Variants in SUPT3H observed in about 807,000 individuals in gnomAD.
SUPT3H encodes the protein transcription initiation protein SPT3 homolog.
Under a neutral mutation model 44.3 loss-of-function variants are expected in SUPT3H, and 44 were observed. The ratio of observed to expected loss-of-function variants is 0.99; its 90% CI spans 0.78 to 1.28. The LOEUF (loss-of-function observed/expected upper bound fraction) is 1.28. Among genes scored for constraint, SUPT3H ranks in the 50% most tolerant of loss-of-function variants. SUPT3H has a pLI of 0.00. For synonymous variants in SUPT3H, 124 were observed against 125.6 expected (o/e 0.99, Z 0.09); for missense variants, 380 against 387.1 (o/e 0.98, Z 0.15).
chr6:45,342,621 T>C (rs553093783), intron 2 of SUPT3H, among the ~76,000 whole-genome samples: 4 of 152,112 alleles, frequency 2.6e-5, no homozygotes, highest in Non-Finnish European at 5.9e-5. Context: ...CTCAAAACAG[T>C]CATAATATAA....
At chr6:45,028,813 C>A (rs1261158955) in intron 3 of SUPT3H, among the ~76,000 whole-genome samples, 1 of 145,972 alleles carries the variant, frequency 6.9e-6, no homozygotes, top group Admixed American at 7.1e-5. Flanking sequence ...TAAATCAAGC[C>A]TTACATTGCA....
chr6:45,175,734 G>C (rs1811668406), intron 2 of SUPT3H, among the ~76,000 whole-genome samples: 1 of 152,026 alleles, frequency 6.6e-6, no homozygotes, highest in African/African-American at 2.4e-5. Context: ...GTAATTTTTA[G>C]GCTACGTATT....
At chr6:45,233,030 G>A (rs746017652) in intron 2 of SUPT3H, among the ~76,000 whole-genome samples, 1 of 152,100 alleles carries the variant, frequency 6.6e-6, no homozygotes, top group Admixed American at 6.6e-5. Context: ...GTGCTAGGCC[G>A]AGCACACAGT....
chr6:45,322,938 A>T (rs1240433547), intron 2 of SUPT3H: 1 of 1,612,108 alleles, frequency 6.2e-7, no homozygotes, highest in East Asian at 2.2e-5. Context: ...GAAAAGCCAC[A>T]GTGCTACAGC....
intron 2 of SUPT3H, among the ~76,000 whole-genome samples, chr6:45,333,753 T>C (rs1462309640): frequency 2.6e-5 from 4 of 151,374 alleles, no homozygotes. Context: ...AAGTACTTAA[T>C]ACATGAAGAG....
At chr6:45,043,142 TACACACACACACAC>T (rs59321114) in intron 3 of SUPT3H, among the ~76,000 whole-genome samples, 1 of 146,768 alleles carries the variant, frequency 6.8e-6, no homozygotes, top group East Asian at 2.0e-4. Flanking sequence ...CATACACACA[TACACACACACACAC>T]ACACACACAC....
intron 3 of SUPT3H, among the ~76,000 whole-genome samples, chr6:45,053,361 G>A (rs1352352282): frequency 6.6e-6 from 1 of 152,008 alleles, no homozygotes; most frequent in Non-Finnish European, 1.5e-5. Context: ...GGAATACCAA[G>A]TGTGGCTAAC....
At chr6:44,925,533 C>T (rs1037877142) in intron 10 of SUPT3H, among the ~76,000 whole-genome samples, 5 of 152,144 alleles carry the variant, frequency 3.3e-5, no homozygotes, top group Non-Finnish European at 7.4e-5. Flanking sequence ...TCATCACACT[C>T]GGCAAACACA....
At chr6:45,034,105 T>C (rs1256497676) in intron 3 of SUPT3H, among the ~76,000 whole-genome samples, 4 of 152,118 alleles carry the variant, frequency 2.6e-5, no homozygotes, top group Non-Finnish European at 5.9e-5. Context: ...GGGAAGGCTT[T>C]AGGGAAATGA....
At chr6:45,312,221 A>C (rs958534620) in intron 2 of SUPT3H, among the ~76,000 whole-genome samples, 11 of 152,150 alleles carry the variant, frequency 7.2e-5, no homozygotes, top group Non-Finnish European at 2.9e-5. Context: ...GTTAAAAAAG[A>C]CAAAAGGCCG....
chr6:45,162,758 G>A (rs910807764), intron 2 of SUPT3H, among the ~76,000 whole-genome samples: 2 of 152,086 alleles, frequency 1.3e-5, no homozygotes, highest in Non-Finnish European at 2.9e-5. Context: ...TAAGAGTAAC[G>A]ATGCTTGTTC....
chr6:44,821,534 T>TATC (rs1318427259), intron 11 of SUPT3H, among the ~76,000 whole-genome samples: 9 of 152,156 alleles, frequency 5.9e-5, no homozygotes, highest in Non-Finnish European at 1.5e-5. Context: ...ACTTTTTTAG[T>TATC]ATCATTAGCT....
chr6:44,856,822 T>C (rs536962051), intron 10 of SUPT3H, among the ~76,000 whole-genome samples: 39 of 152,198 alleles, frequency 2.6e-4, no homozygotes, highest in Non-Finnish European at 2.9e-4. Context: ...ATTAAATGTA[T>C]AGCATTGCTT....
At chr6:45,116,936 T>C (rs966817909) in intron 2 of SUPT3H, among the ~76,000 whole-genome samples, 1 of 152,064 alleles carries the variant, frequency 6.6e-6, no homozygotes, top group African/African-American at 2.4e-5. Flanking sequence ...AAACCATACA[T>C]CCTCTCTAGG....
chr6:45,141,296 G>A (rs1015440720), intron 2 of SUPT3H, among the ~76,000 whole-genome samples: 2 of 113,052 alleles, frequency 1.8e-5, no homozygotes, highest in African/African-American at 6.9e-5. Flanking sequence ...GCTGGGTTGT[G>A]CCACTGCACT....
intron 11 of SUPT3H, among the ~76,000 whole-genome samples, chr6:44,812,945 G>T (rs622923): frequency 0.9 from 137,314 of 152,138 alleles, 63,177 homozygotes; most frequent in East Asian, 1. Context: ...ATGGTGGGGT[G>T]GGGGGTGAGA....
At chr6:44,908,756 C>T (rs1434283023) in intron 10 of SUPT3H, among the ~76,000 whole-genome samples, 1 of 151,620 alleles carries the variant, frequency 6.6e-6, no homozygotes, top group Non-Finnish European at 1.5e-5. Flanking sequence ...CCTGACATAT[C>T]AGACATGTAG....
At chr6:45,107,473 T>C (rs1275904498) in intron 2 of SUPT3H, among the ~76,000 whole-genome samples, 1 of 152,114 alleles carries the variant, frequency 6.6e-6, no homozygotes, top group South Asian at 2.1e-4. Flanking sequence ...TTCCAGAGAA[T>C]GCACTTTGCC....
chr6:44,842,610 C>A (rs1441806377), intron 10 of SUPT3H, among the ~76,000 whole-genome samples: 1 of 151,578 alleles, frequency 6.6e-6, no homozygotes, highest in African/African-American at 2.4e-5. Flanking sequence ...TGTCATATAC[C>A]TATTTTTTTT....
Sources: gnomAD v4.1 joint callset for allele counts (sites outside exome capture counted in the v4.1 genomes callset) on GRCh38, gnomAD v4.1.1 for gene constraint, MANE v1.5 for transcripts, NCBI Gene and HGNC (gene_info 2026-07-23, HGNC 2026-07-21) for gene names.